TAS2R1: variants seen among roughly 807,000 people sequenced by gnomAD.
TAS2R1 encodes the protein taste 2 receptor member 1.
For missense variants in TAS2R1, 370 were observed against 353.4 expected, an observed-to-expected ratio of 1.05 and a Z score of -0.38; for synonymous variants, 141 against 134.2, an observed-to-expected ratio of 1.05 and a Z score of -0.35.
At chr5:9,652,983 A>G (rs1219043163) in intron 2 of TAS2R1, among the ~76,000 whole-genome samples, 1 of 152,186 alleles carries the variant, frequency 6.6e-6, no homozygotes, top group Non-Finnish European at 1.5e-5. Context: ...AGCCACCTCC[A>G]GGATGTTTTT....
the TAS2R1 span, among the ~76,000 whole-genome samples, chr5:9,735,580 T>C: frequency 2.0e-5 from 3 of 151,966 alleles, no homozygotes; most frequent in East Asian, 1.9e-4. Context: ...CTCAGGTTTA[T>C]AGAAGAGAAA....
At chr5:9,668,936 G>A (rs1470689601) in intron 1 of TAS2R1, among the ~76,000 whole-genome samples, 1 of 151,992 alleles carries the variant, frequency 6.6e-6, no homozygotes, top group Non-Finnish European at 1.5e-5. Flanking sequence ...GAATTTAAAT[G>A]GGCTAAACAC....
At chr5:9,723,793 G>A in the TAS2R1 span, among the ~76,000 whole-genome samples, 5 of 152,206 alleles carry the variant, frequency 3.3e-5, no homozygotes, top group Admixed American at 6.5e-5. Flanking sequence ...TTGTGCTGCC[G>A]GGCACAAGGC....
chr5:9,713,015 C>T (rs1319283177), upstream of TAS2R1: 1 of 152,256 alleles, frequency 6.6e-6, no homozygotes, highest in African/African-American at 2.4e-5. Context: ...GACATCTTGC[C>T]CTCCCATCCC....
chr5:9,898,970 T>C, the TAS2R1 span, among the ~76,000 whole-genome samples: 7 of 152,208 alleles, frequency 4.6e-5, no homozygotes, highest in Admixed American at 2.6e-4. Flanking sequence ...GAAGTGGACA[T>C]GGAACTGCGA....
At chr5:9,640,497 TAAAAA>T (rs56140715) in intron 2 of TAS2R1, among the ~76,000 whole-genome samples, 1 of 59,030 alleles carries the variant, frequency 1.7e-5, no homozygotes, top group East Asian at 4.5e-4. Flanking sequence ...TTCAATTCCT[TAAAAA>T]AAAAAAAAAA....
upstream of TAS2R1, among the ~76,000 whole-genome samples, chr5:9,715,877 A>G (rs925910444): frequency 1.3e-5 from 2 of 152,238 alleles, no homozygotes; most frequent in Non-Finnish European, 2.9e-5. Flanking sequence ...AGATTGAAAT[A>G]TAAGTGGGAG....
chr5:9,713,097 A>C (rs932546600), upstream of TAS2R1: 4 of 151,962 alleles, frequency 2.6e-5, no homozygotes, highest in Admixed American at 2.0e-4. Context: ...GACCACGCAG[A>C]CTGGGATATA....
At chr5:9,755,882 C>G in the TAS2R1 span, among the ~76,000 whole-genome samples, 1 of 152,162 alleles carries the variant, frequency 6.6e-6, no homozygotes, top group African/African-American at 2.4e-5. Context: ...AGAGGTGACT[C>G]TCATAGCCAT....
At chr5:9,688,486 T>C (rs1349351722) in intron 1 of TAS2R1, among the ~76,000 whole-genome samples, 2 of 152,138 alleles carry the variant, frequency 1.3e-5, no homozygotes, top group Admixed American at 6.6e-5. Context: ...CCTGTCTGGG[T>C]GAGACAGCCC....
chr5:9,827,616 A>ACACACG, the TAS2R1 span, among the ~76,000 whole-genome samples: 2 of 151,634 alleles, frequency 1.3e-5, no homozygotes, highest in Non-Finnish European at 2.9e-5. Context: ...ACACACACAC[A>ACACACG]CACACACACA....
At chr5:9,762,982 T>C in the TAS2R1 span, among the ~76,000 whole-genome samples, 1 of 152,092 alleles carries the variant, frequency 6.6e-6, no homozygotes, top group Non-Finnish European at 1.5e-5. Flanking sequence ...AGATAACATA[T>C]ATAAGACTCC....
chr5:9,767,324 T>A, the TAS2R1 span, among the ~76,000 whole-genome samples: 1 of 151,976 alleles, frequency 6.6e-6, no homozygotes, highest in African/African-American at 2.4e-5. Context: ...CCTTGCCAGC[T>A]CTCCTACTTC....
the TAS2R1 span, among the ~76,000 whole-genome samples, chr5:9,771,314 C>CT: frequency 6.6e-6 from 1 of 152,072 alleles, no homozygotes; most frequent in South Asian, 2.1e-4. Context: ...TATGATGTAT[C>CT]ACACTGATTG....
At chr5:9,841,115 G>C in the TAS2R1 span, among the ~76,000 whole-genome samples, 2 of 152,014 alleles carry the variant, frequency 1.3e-5, no homozygotes, top group African/African-American at 2.4e-5. Context: ...GAAGTCAGCT[G>C]TCTGTCTTAT....
intron 2 of TAS2R1, among the ~76,000 whole-genome samples, chr5:9,646,343 A>C (rs1280837239): frequency 6.6e-6 from 1 of 152,142 alleles, no homozygotes; most frequent in Non-Finnish European, 1.5e-5. Context: ...AGTTTTATTC[A>C]TTCCAAACCG....
chr5:9,633,294 T>TATATATATATATATATATATA (rs1476544403), upstream of TAS2R1, among the ~76,000 whole-genome samples: 60 of 67,772 alleles, frequency 8.9e-4, 2 homozygotes, highest in East Asian at 0.011. Context: ...TGTGTGTATA[T>TATATATATATATATATATATA]TATATATATA....
intron 1 of TAS2R1, among the ~76,000 whole-genome samples, chr5:9,688,011 T>G (rs1265388875): frequency 6.6e-6 from 1 of 152,234 alleles, no homozygotes; most frequent in East Asian, 1.9e-4. Context: ...TTCAGCAAAC[T>G]TACAGAGGAC....
chr5:9,870,152 G>A, the TAS2R1 span: 1 of 152,058 alleles, frequency 6.6e-6, no homozygotes, highest in Non-Finnish European at 1.5e-5. Flanking sequence ...TTAGATTCTT[G>A]GGCTGTCTTC....
Sources: gnomAD v4.1 joint callset for allele counts (sites outside exome capture counted in the v4.1 genomes callset) on GRCh38, gnomAD v4.1.1 for gene constraint, MANE v1.5 for transcripts, NCBI Gene and HGNC (gene_info 2026-07-23, HGNC 2026-07-21) for gene names.